NEDD4: variants seen among roughly 807,000 people sequenced by gnomAD.
The protein encoded by NEDD4 is NEDD4 E3 ubiquitin protein ligase.
Under a neutral mutation model 144.9 loss-of-function variants are expected in NEDD4, and 99 were observed. The ratio of observed to expected loss-of-function variants is 0.68; its 90% CI spans 0.58 to 0.81. The LOEUF (loss-of-function observed/expected upper bound fraction) is 0.81, where lower values mean the gene tolerates loss of function less well. Among genes scored for constraint, NEDD4 ranks in the 30% least tolerant of loss-of-function variants. The pLI, the probability that NEDD4 is intolerant of heterozygous loss-of-function variation, is 0.00. For synonymous variants in NEDD4, 318 were observed against 350.6 expected, an observed-to-expected ratio of 0.91 and a Z score of 1.04; for missense variants, 985 against 1,065.9, an observed-to-expected ratio of 0.92 and a Z score of 1.06.
intron 1 of NEDD4, chr15:55,991,802 GCCA>G (rs2037992606): frequency 6.6e-6 from 1 of 152,176 alleles, no homozygotes; most frequent in Admixed American, 6.5e-5. Context: ...CCCATTAACT[GCCA>G]CAATTAGTTT....
At chr15:55,937,879 G>C (rs1489242491) in intron 4 of NEDD4, among the ~76,000 whole-genome samples, 1 of 152,194 alleles carries the variant, frequency 6.6e-6, no homozygotes, top group South Asian at 2.1e-4. Context: ...GAAGAACAAA[G>C]CTAGAGGCAT....
chr15:55,830,070 A>ATGC, intron 28 of NEDD4, 71 bp from the exon 29 acceptor site: 1 of 1,026,794 alleles, frequency 9.7e-7, no homozygotes, highest in Non-Finnish European at 1.5e-6. Context: ...AAACAGAGCA[A>ATGC]TGCTGCTATT....
chr15:55,916,841 T>C (rs944843119), intron 5 of NEDD4: 22 of 1,581,040 alleles, frequency 1.4e-5, no homozygotes, highest in Non-Finnish European at 1.8e-5. Context: ...TTTGTTCTCA[T>C]TTCCAAACAT....
intron 1 of NEDD4, among the ~76,000 whole-genome samples, chr15:55,980,661 C>T (rs778643623): frequency 1.3e-5 from 2 of 152,172 alleles, no homozygotes; most frequent in Non-Finnish European, 2.9e-5. Context: ...CAAATGGAAG[C>T]CCACAGATGA....
intron 4 of NEDD4, among the ~76,000 whole-genome samples, chr15:55,943,608 T>C (rs1271734632): frequency 2.0e-5 from 3 of 152,204 alleles, no homozygotes; most frequent in Non-Finnish European, 4.4e-5. Context: ...GAGCTCTTCC[T>C]AGATTTCAGA....
At chr15:55,970,167 G>C (rs1389735015) in intron 1 of NEDD4, among the ~76,000 whole-genome samples, 1 of 152,166 alleles carries the variant, frequency 6.6e-6, no homozygotes, top group African/African-American at 2.4e-5. Context: ...CATGGGCAGA[G>C]ACTCTGTCTG....
intron 2 of NEDD4, among the ~76,000 whole-genome samples, chr15:55,960,580 TTGC>T (rs771032598): frequency 3.4e-4 from 51 of 152,206 alleles, no homozygotes; most frequent in Non-Finnish European, 6.0e-4. Context: ...ACTGGCTTCC[TTGC>T]TCCGCAGCTT....
intron 4 of NEDD4, among the ~76,000 whole-genome samples, chr15:55,946,707 C>G (rs1301730307): frequency 6.6e-6 from 1 of 152,204 alleles, no homozygotes; most frequent in Non-Finnish European, 1.5e-5. Context: ...AATATACATC[C>G]TTCTCAGCAC....
At chr15:55,911,877 G>C (rs2036287095) in intron 5 of NEDD4, among the ~76,000 whole-genome samples, 1 of 152,120 alleles carries the variant, frequency 6.6e-6, no homozygotes, top group Non-Finnish European at 1.5e-5. Flanking sequence ...ACTAGAATGG[G>C]AGCTCCCCTA....
intron 18 of NEDD4, among the ~76,000 whole-genome samples, chr15:55,843,948 T>G (rs1351256551): frequency 6.6e-6 from 1 of 152,074 alleles, no homozygotes; most frequent in East Asian, 1.9e-4. Flanking sequence ...GGCGTATATG[T>G]GAAAAACAAG....
intron 1 of NEDD4, among the ~76,000 whole-genome samples, chr15:55,978,132 T>C (rs969246610): frequency 1.3e-5 from 2 of 152,152 alleles, no homozygotes; most frequent in Non-Finnish European, 2.9e-5. Context: ...AAACCATCCA[T>C]GTTAGCCTCG....
chr15:55,988,503 A>AAAAAAAAAAAAAAG (rs1566980054), intron 1 of NEDD4, among the ~76,000 whole-genome samples: 4 of 147,796 alleles, frequency 2.7e-5, no homozygotes, highest in Non-Finnish European at 4.5e-5. Flanking sequence ...AAAAAAAAAA[A>AAAAAAAAAAAAAAG]AAAGAAAAAC....
intron 4 of NEDD4, among the ~76,000 whole-genome samples, chr15:55,947,622 T>G (rs989188291): frequency 1.2e-4 from 19 of 152,306 alleles, no homozygotes; most frequent in African/African-American, 4.6e-4. Flanking sequence ...GTGGGCTTCA[T>G]CCCTGGGATG....
At chr15:55,906,814 G>C (rs1394578572) in intron 5 of NEDD4, among the ~76,000 whole-genome samples, 6 of 152,266 alleles carry the variant, frequency 3.9e-5, no homozygotes, top group African/African-American at 1.4e-4. Flanking sequence ...TAAAATTTTA[G>C]GCTGGGCGCA....
chr15:55,916,617 G>T (rs377587799), intron 5 of NEDD4: 17 of 1,613,926 alleles, frequency 1.1e-5, no homozygotes, highest in African/African-American at 4.0e-5. Flanking sequence ...GGGAACAGAT[G>T]ATCTTTCTTG....
intron 27 of NEDD4, 79 bp from the exon 28 acceptor site, chr15:55,830,665 C>A: frequency 9.5e-7 from 1 of 1,057,256 alleles, no homozygotes; most frequent in Admixed American, 1.7e-5. Context: ...CTAGTGTACA[C>A]TAGTTCCTAC....
At chr15:55,870,265 G>T (rs2034735733) in intron 7 of NEDD4, among the ~76,000 whole-genome samples, 1 of 152,108 alleles carries the variant, frequency 6.6e-6, no homozygotes, top group South Asian at 2.1e-4. Flanking sequence ...GTGCTTTAGG[G>T]ATGCTAATCT....
chr15:55,846,672 A>G (rs1361748578), intron 18 of NEDD4, among the ~76,000 whole-genome samples: 1 of 152,234 alleles, frequency 6.6e-6, no homozygotes, highest in Non-Finnish European at 1.5e-5. Context: ...CTCAGATTCT[A>G]CAAAGATCAA....
chr15:55,946,603 CAG>C (rs1192453681), intron 4 of NEDD4, among the ~76,000 whole-genome samples: 1 of 152,128 alleles, frequency 6.6e-6, no homozygotes, highest in African/African-American at 2.4e-5. Context: ...ATCAATGAGA[CAG>C]AAAGTTAACA....
Sources: allele counts gnomAD v4.1 joint callset (sites outside exome capture counted in the v4.1 genomes callset), GRCh38; gene constraint gnomAD v4.1.1; transcripts MANE v1.5; gene names NCBI Gene and HGNC (gene_info 2026-07-23, HGNC 2026-07-21).